ANGPT4: variants seen among roughly 807,000 people sequenced by gnomAD.
ANGPT4 encodes the protein angiopoietin 4.
ANGPT4 carries 50 observed loss-of-function variants against 53.0 expected under a neutral mutation model. The ratio of observed to expected loss-of-function variants is 0.94; its 90% confidence interval spans 0.75 to 1.20. ANGPT4 has a LOEUF of 1.20. ANGPT4 is among the 50% of genes most tolerant of loss of function. ANGPT4 has a pLI of 0.00. For synonymous variants in ANGPT4, 251 were observed against 259.7 expected (o/e 0.97, Z 0.32); for missense variants, 648 against 637.1 (o/e 1.02, Z -0.18).
At chr20:884,317 T>G (rs1390572357) in intron 4 of ANGPT4, among the ~76,000 whole-genome samples, 1 of 152,206 alleles carries the variant, frequency 6.6e-6, no homozygotes, top group Non-Finnish European at 1.5e-5. Context: ...AACCATGTAT[T>G]TCTTTCTCCT....
At chr20:891,415 G>A (rs371463847) in intron 1 of ANGPT4, among the ~76,000 whole-genome samples, 1 of 152,308 alleles carries the variant, frequency 6.6e-6, no homozygotes, top group Admixed American at 6.5e-5. Context: ...TTTCCCAAGG[G>A]CAGGAGAGCT....
intron 1 of ANGPT4, among the ~76,000 whole-genome samples, chr20:896,071 G>A (rs761432897): frequency 5.3e-5 from 8 of 152,148 alleles, no homozygotes; most frequent in Non-Finnish European, 7.4e-5. Context: ...AAAAAACAAC[G>A]CCCCCAACAC....
intron 3 of ANGPT4, among the ~76,000 whole-genome samples, chr20:886,983 C>A (rs964857240): frequency 6.6e-6 from 1 of 152,100 alleles, no homozygotes; most frequent in African/African-American, 2.4e-5. Context: ...TACAATAGTG[C>A]CTGACACATG....
At chr20:881,392 G>C (rs1981400720) in intron 4 of ANGPT4, 106 bp from the exon 5 acceptor site, 2 of 957,410 alleles carry the variant, frequency 2.1e-6, no homozygotes, top group East Asian at 2.6e-5. Context: ...GTTGGGAGGT[G>C]CTGGGGACAG....
intron 3 of ANGPT4, among the ~76,000 whole-genome samples, chr20:887,315 A>C (rs992531566): frequency 6.6e-5 from 10 of 152,168 alleles, no homozygotes; most frequent in African/African-American, 2.4e-4. Flanking sequence ...ATTTCTAGAC[A>C]CCTAGTGTTA....
At chr20:907,480 C>T (rs568938121) in intron 1 of ANGPT4, among the ~76,000 whole-genome samples, 117 of 152,234 alleles carry the variant, frequency 7.7e-4, no homozygotes, top group Middle Eastern at 6.8e-3. Flanking sequence ...TGTTTGCGAT[C>T]GCTCACCTCC....
At chr20:889,578 G>C (rs1331374433) in intron 2 of ANGPT4, among the ~76,000 whole-genome samples, 1 of 152,190 alleles carries the variant, frequency 6.6e-6, no homozygotes, top group Non-Finnish European at 1.5e-5. Context: ...TTGTTGACTG[G>C]AACATTAAGC....
rs764661982 is a variant in ANGPT4, at chr20:908,904, G to A, written c.309+7002C>T. On this transcript the variant is annotated intron_variant, in intron 1 of 8. Coordinates refer to ENST00000381922, the MANE Select transcript of ANGPT4 (RefSeq NM_015985.4). This position sits in a 1 kb window ranked among gnomAD's most constrained non-coding sequence, Gnocchi z 4.9. The stretch of plus-strand genomic sequence containing the variant: ...TTGCCTCTGGAGAGGAGAAACAGGG[G>A]TCTCAGCTGGGTGTCAGGAACCCTG... Among the ~76,000 whole-genome samples the A allele has an allele frequency of 2.2e-4, 34 of 152,254 alleles. No homozygotes were observed. The highest frequency in any genetic ancestry group is 3.8e-4 in the Non-Finnish European group (26 of 68,020).
chr20:890,381 A>G lies in ANGPT4; in HGVS notation c.310-13T>C, dbSNP rs1981792111. The G allele has an allele frequency of 1.5e-6, 2 of 1,345,074 alleles. No homozygotes were observed. The highest frequency in any genetic ancestry group is 2.3e-5 in the South Asian group (2 of 86,446). The allele number at this position is 1,345,074 out of a possible 1,614,324, so 83.3% of individuals were successfully genotyped here. A position where few individuals can be genotyped will look rare whatever the true frequency, so the allele number is the denominator to read the frequency against. ...TGGCCCTCTCTAGCTGTGGGAGACC[A>G]TGGGCTGGGGTCACGGGGGAGGGGC... On this transcript the variant is annotated splice_polypyrimidine_tract_variant and intron_variant, in intron 1 of 8. Transcript: ENST00000381922.
At chr20:900,958 A>G (rs999669533) in intron 1 of ANGPT4, among the ~76,000 whole-genome samples, 11 of 152,154 alleles carry the variant, frequency 7.2e-5, no homozygotes, top group African/African-American at 2.7e-4. Flanking sequence ...GGCCATCACC[A>G]ATCATTCTAT....
chr20:907,861 C>T lies in ANGPT4; in HGVS notation c.309+8045G>A, dbSNP rs183185929. Among the ~76,000 whole-genome samples the T allele has an allele frequency of 2.5e-4, 38 of 152,296 alleles. No homozygotes were observed. In the East Asian group the frequency reaches 4.2e-3, roughly 17 times the overall value. Reference sequence around the variant, plus strand: ...GCTGGGGTATCTCCCCACGTGGCACCAGGCCTTTCTGCCTGTACGACTCCA... The same window carrying T: ...GCTGGGGTATCTCCCCACGTGGCACTAGGCCTTTCTGCCTGTACGACTCCA... On this transcript the variant is annotated intron_variant, in intron 1 of 8. Transcript: ENST00000381922.
intron 1 of ANGPT4, among the ~76,000 whole-genome samples, chr20:899,413 A>G (rs549637175): frequency 5.2e-4 from 79 of 151,694 alleles, no homozygotes; most frequent in African/African-American, 1.8e-3. Context: ...ACGCCTAGCT[A>G]ATTTTTTTGT....
intron 1 of ANGPT4, among the ~76,000 whole-genome samples, chr20:899,824 G>C (rs10427444): frequency 6.6e-6 from 1 of 151,932 alleles, no homozygotes; most frequent in Admixed American, 6.6e-5. Context: ...GCCTCTCTTC[G>C]GTTTCACTTG....
intron 1 of ANGPT4, among the ~76,000 whole-genome samples, chr20:897,892 A>G (rs1317321298): frequency 6.6e-6 from 1 of 152,208 alleles, no homozygotes; most frequent in East Asian, 1.9e-4. Flanking sequence ...CAATACTGCT[A>G]GGCCCCAGTA....
intron 1 of ANGPT4, among the ~76,000 whole-genome samples, chr20:903,489 C>G (rs6077347): frequency 0.34 from 50,956 of 152,000 alleles, 10,151 homozygotes; most frequent in African/African-American, 0.56. Context: ...CCCTGGGCCC[C>G]CAGGCTATGC....
rs1425963510 is a variant in ANGPT4 at position 878,186 on chromosome 20, G to T, written c.1195C>A (p.Leu399Met). The change falls in exon 7 of 9, where the codon CTG becomes ATG. Residue 399 changes from leucine to methionine, a missense_variant. By Grantham distance (15) the Leu-to-Met change is conservative. Coordinates refer to ENST00000381922, the MANE Select transcript of ANGPT4 (RefSeq NM_015985.4). ...CTGTATAGCTGGTTCTCACTGCCCA[G>T]GTGGAAATGTTCGTACTGGGCATAG... ...EAYAQYEHFH[L>M]GSENQLYRLS... 1.9e-6 allele frequency: 3 copies of T among 1,602,540 alleles called. No individual in the cohort carries two copies. Among genetic ancestry groups the T allele is most frequent in the Admixed American group, 3.3e-5 (2 of 59,816 alleles).
intron 1 of ANGPT4, among the ~76,000 whole-genome samples, chr20:899,508 C>T (rs541383432): frequency 6.6e-6 from 1 of 152,198 alleles, no homozygotes; most frequent in Non-Finnish European, 1.5e-5. Flanking sequence ...CCGCCTCGGC[C>T]TCCCAAAGTG....
intron 1 of ANGPT4, among the ~76,000 whole-genome samples, chr20:912,006 T>TG (rs1265153709): frequency 6.6e-6 from 1 of 151,782 alleles, no homozygotes. Context: ...AGTTTCCAGG[T>TG]GGGGTCAGCC....
At chr20:878,006 C>A (rs1316371223) in intron 7 of ANGPT4, among the ~76,000 whole-genome samples, 155 bp downstream of exon 7, 1 of 152,246 alleles carries the variant, frequency 6.6e-6, no homozygotes, top group Non-Finnish European at 1.5e-5. Context: ...CTCCAGATCC[C>A]ATGACGTGCA....
Sources: gnomAD v4.1 joint callset for allele counts (sites outside exome capture counted in the v4.1 genomes callset) on GRCh38, gnomAD v4.1.1 for gene constraint, Gnocchi (gnomAD v3.1) non-coding constraint, MANE v1.5 for transcripts, NCBI Gene and HGNC (gene_info 2026-07-23, HGNC 2026-07-21) for gene names.